SLC17A8: variants seen among roughly 807,000 people sequenced by gnomAD.
SLC17A8 encodes vesicular glutamate transporter 3.
In SLC17A8, 31 loss-of-function variants were observed where a neutral mutation model predicts 58.0. The observed-to-expected ratio is 0.53, with a 90% CI of 0.40 to 0.72. SLC17A8 has a LOEUF of 0.72. Ranked by LOEUF, SLC17A8 falls within the 30% of genes least tolerant of loss-of-function variation. SLC17A8 has a pLI of 0.00. For missense variants in SLC17A8, 655 were observed against 727.8 expected, an observed-to-expected ratio of 0.90 and a Z score of 1.15; for synonymous variants, 228 against 249.0, an observed-to-expected ratio of 0.92 and a Z score of 0.79.
At chr12:100,404,346 C>A in intron 9 of SLC17A8, 176 bp downstream of exon 9, 1 of 719,914 alleles carries the variant, frequency 1.4e-6, no homozygotes, top group Non-Finnish European at 2.4e-6. Context: ...AAGAGGTCAT[C>A]CAGCTGGGAC....
chr12:100,419,361 C>T (rs1009446251), intron 11 of SLC17A8, among the ~76,000 whole-genome samples: 2 of 151,902 alleles, frequency 1.3e-5, no homozygotes, highest in African/African-American at 2.4e-5. Context: ...AGTGAAACCC[C>T]GCCTCTACTA....
At chr12:100,363,745 GA>G in intron 1 of SLC17A8, among the ~76,000 whole-genome samples, 1 of 152,128 alleles carries the variant, frequency 6.6e-6, no homozygotes, top group East Asian at 1.9e-4. Flanking sequence ...GCATCTTTAA[GA>G]AGCTTCTTCA....
intron 2 of SLC17A8, among the ~76,000 whole-genome samples, chr12:100,389,187 G>T (rs1252924602): frequency 6.6e-6 from 1 of 152,184 alleles, no homozygotes; most frequent in East Asian, 1.9e-4. Context: ...ATGGCCTAAG[G>T]GTTGTGGAAG....
rs538786591 is a variant in SLC17A8 at position 100,357,133 on chromosome 12, G to T, written c.-259G>T. ...GGCTGCTGCAGAGCGTGCAGCTTTTGCAAGGGACTGAATTCCCAGCCAGAC... is the reference window on the plus strand; with the variant it reads ...GGCTGCTGCAGAGCGTGCAGCTTTTTCAAGGGACTGAATTCCCAGCCAGAC... On this transcript the variant is annotated 5_prime_UTR_variant, in exon 1 of 12. Coordinates refer to ENST00000323346, the MANE Select transcript of SLC17A8 (RefSeq NM_139319.3). 3.5e-5 allele frequency: 15 copies of T among 429,096 alleles called. No individual in the cohort carries two copies. Among genetic ancestry groups the T allele is most frequent in the African/African-American group, 2.6e-4 (13 of 49,468 alleles). 26.6% of individuals were successfully genotyped at this position (429,096 alleles called of 1,614,324 possible). A position where few individuals can be genotyped will look rare whatever the true frequency, so the allele number is the denominator to read the frequency against.
intron 4 of SLC17A8, 120 bp downstream of exon 4, chr12:100,393,603 C>G: frequency 1.4e-6 from 1 of 739,816 alleles, no homozygotes; most frequent in Non-Finnish European, 2.4e-6. Context: ...CTTCCTTTTC[C>G]TGCTGTTTCC....
At chr12:100,411,339 G>T (rs1309876955) in intron 9 of SLC17A8, among the ~76,000 whole-genome samples, 1 of 152,122 alleles carries the variant, frequency 6.6e-6, no homozygotes, top group Non-Finnish European at 1.5e-5. Context: ...AATTAGCTGG[G>T]CGTGGTAGCA....
chr12:100,405,292 T>C (rs1307786377), intron 9 of SLC17A8, among the ~76,000 whole-genome samples: 1 of 152,158 alleles, frequency 6.6e-6, no homozygotes, highest in South Asian at 2.1e-4. Flanking sequence ...CTCTGGGACA[T>C]TGCATTCAAG....
intron 1 of SLC17A8, among the ~76,000 whole-genome samples, chr12:100,362,590 G>A (rs1219982106): frequency 6.6e-6 from 1 of 152,118 alleles, no homozygotes; most frequent in Non-Finnish European, 1.5e-5. Context: ...TCTGGAAGTA[G>A]AAGTGTGCTT....
Position 100,404,175 on chromosome 12 carries a change from T to G in SLC17A8, c.1186+5T>G. ...GAAAAATCATGAACTGTGGAGGTAC[T>G]GTGGATTTCATAGATGGCTTAGGCA... On this transcript the variant is annotated splice_donor_5th_base_variant and intron_variant, in intron 9 of 11. Coordinates refer to ENST00000323346, the MANE Select transcript of SLC17A8 (RefSeq NM_139319.3). The G allele has an allele frequency of 6.2e-7, 1 of 1,614,152 alleles. No homozygotes were observed. The highest frequency in any genetic ancestry group is 1.1e-5 in the South Asian group (1 of 91,082).
chr12:100,420,492 G>C lies in SLC17A8; in HGVS notation c.*333G>C. 3.6e-6 allele frequency: 1 copy of C among 277,854 alleles called. No homozygotes were observed. Among genetic ancestry groups the C allele is most frequent in the South Asian group, 4.9e-5 (1 of 20,326 alleles). 17.2% of individuals were successfully genotyped at this position (277,854 alleles called of 1,614,324 possible). A position where few individuals can be genotyped will look rare whatever the true frequency, so the allele number is the denominator to read the frequency against. The stretch of plus-strand genomic sequence containing the variant: ...ACATTGAAGGAAATTGGGATGTTTG[G>C]CCAGAAGGAATGTAAACAGTAGTAG... On this transcript the variant is annotated 3_prime_UTR_variant, in exon 12 of 12. Coordinates refer to ENST00000323346, the MANE Select transcript of SLC17A8 (RefSeq NM_139319.3).
chr12:100,419,481 C>G (rs1422269471), intron 11 of SLC17A8, among the ~76,000 whole-genome samples: 2 of 150,186 alleles, frequency 1.3e-5, no homozygotes, highest in African/African-American at 4.9e-5. Context: ...TGCAGTGAGC[C>G]GAGATCGCGC....
chr12:100,380,778 CA>C lies in SLC17A8; in HGVS notation c.181del (p.Ser61AlafsTer21). The C allele has an allele frequency of 6.2e-7, 1 of 1,614,090 alleles. No homozygotes were observed. Reference sequence around the variant, plus strand: ...GGAAGGCCGGTGCAGACGTCCAGGCCAAGCCCCCCACTCTGCGACTGCCACT... The same window carrying C: ...GGAAGGCCGGTGCAGACGTCCAGGCCAGCCCCCCACTCTGCGACTGCCACT... ...EEGRPVQTSR[P>X]SPPLCDCHCC... is the part of the protein sequence containing the mutation. On this transcript the variant is annotated frameshift_variant, in exon 2 of 12. Transcript: ENST00000323346. LOFTEE classifies it high-confidence loss of function.
At chr12:100,405,861 G>T (rs996694921) in intron 9 of SLC17A8, among the ~76,000 whole-genome samples, 3 of 152,132 alleles carry the variant, frequency 2.0e-5, no homozygotes, top group Non-Finnish European at 4.4e-5. Context: ...CTAACACAGC[G>T]GTAGGCAGGG....
intron 10 of SLC17A8, among the ~76,000 whole-genome samples, chr12:100,413,359 A>G (rs1368953148): frequency 3.3e-5 from 5 of 152,208 alleles, no homozygotes; most frequent in Non-Finnish European, 5.9e-5. Flanking sequence ...TTTCCAAACA[A>G]GAAAATGCGG....
intron 10 of SLC17A8, 119 bp downstream of exon 10, chr12:100,412,999 G>A: frequency 1.2e-6 from 1 of 819,202 alleles, no homozygotes; most frequent in Non-Finnish European, 2.1e-6. Context: ...CAGAGAGCAG[G>A]ACCACCGTCC....
intron 1 of SLC17A8, among the ~76,000 whole-genome samples, chr12:100,367,697 C>T (rs945377340): frequency 7.2e-5 from 11 of 152,016 alleles, no homozygotes; most frequent in East Asian, 3.9e-4. Flanking sequence ...ACTACAGTTG[C>T]GAGCCACCAT....
intron 1 of SLC17A8, among the ~76,000 whole-genome samples, chr12:100,364,572 A>C (rs988661415): frequency 6.6e-6 from 1 of 152,190 alleles, no homozygotes; most frequent in South Asian, 2.1e-4. Context: ...GCTGACATCA[A>C]CTGGCCAAGT....
rs145190556 is a variant in SLC17A8, at chr12:100,393,468, G to A, written c.573G>A (p.Leu191=). The change falls in exon 4 of 12, where the codon CTG becomes CTA. Residue 191 remains leucine (L), a synonymous_variant. Coordinates refer to ENST00000323346, the MANE Select transcript of SLC17A8 (RefSeq NM_139319.3). ...GATGCGTCATGTGTGTCAGAATTCT[G>A]CAAGGTTTAGTGGAGGTAGGAGATA... ...HYGCVMCVRI[L]QGLVEGVTYP... 1 of 1,612,410 alleles carries A rather than the reference G, an allele frequency of 6.2e-7. No homozygotes were observed.
intron 9 of SLC17A8, 130 bp from the exon 10 acceptor site, chr12:100,412,640 A>AAAAAAAT: frequency 1.5e-6 from 1 of 686,692 alleles, no homozygotes; most frequent in Non-Finnish European, 2.6e-6. Context: ...AAGTAAAAAA[A>AAAAAAAT]AAACATAGAC....
Sources: allele counts gnomAD v4.1 joint callset (sites outside exome capture counted in the v4.1 genomes callset), GRCh38; gene constraint gnomAD v4.1.1; transcripts MANE v1.5; gene names NCBI Gene and HGNC (gene_info 2026-07-23, HGNC 2026-07-21).